KIAA0825: variants seen among roughly 807,000 people sequenced by gnomAD.
KIAA0825 encodes KIAA0825, also known as uncharacterized protein KIAA0825.
Under a neutral mutation model 147.6 loss-of-function variants are expected in KIAA0825, and 119 were observed. The observed-to-expected ratio is 0.81, with a 90% CI of 0.69 to 0.94. The LOEUF is 0.94. Among genes scored for constraint, KIAA0825 ranks in the 40% least tolerant of loss-of-function variants. The pLI is 0.00. For synonymous variants in KIAA0825, 470 were observed against 518.1 expected, an observed-to-expected ratio of 0.91 and a Z score of 1.26; for missense variants, 1,381 against 1,472.7, an observed-to-expected ratio of 0.94 and a Z score of 1.02.
chr5:94,281,579 C>G (rs547503040), intron 20 of KIAA0825, among the ~76,000 whole-genome samples: 1 of 152,224 alleles, frequency 6.6e-6, no homozygotes, highest in African/African-American at 2.4e-5. Flanking sequence ...GTTTCTCAAC[C>G]TCAGCACTAT....
chr5:94,206,723 C>A (rs1422316597), intron 20 of KIAA0825, among the ~76,000 whole-genome samples: 1 of 152,138 alleles, frequency 6.6e-6, no homozygotes, highest in Non-Finnish European at 1.5e-5. Context: ...ACTATGGTTT[C>A]TTTTTATCTC....
chr5:94,453,003 T>G lies in KIAA0825; in HGVS notation c.2313A>C (p.Leu771Phe). 6.5e-7 allele frequency: 1 copy of G among 1,532,816 alleles called. No individual in the cohort carries two copies. Among genetic ancestry groups the G allele is most frequent in the Non-Finnish European group, 8.8e-7 (1 of 1,139,980 alleles). 95.0% of individuals were successfully genotyped at this position (1,532,816 alleles called of 1,614,324 possible). Residue 771 changes from leucine to phenylalanine, a missense_variant, in exon 13 of 21, where the codon TTA (leucine) becomes TTC (phenylalanine). Physicochemically the swap from Leu to Phe is conservative, Grantham distance 22. Transcript: ENST00000682413. The stretch of plus-strand genomic sequence containing the variant: ...AATGTGATATGCAAGAAACCCAATA[T>G]AATGGTTGCTTAAAAAATGATTTTA... ...DSLKSFFKQP[L>F]YWVSCISHFY...
At chr5:94,590,013 A>G (rs1784060610) in intron 1 of KIAA0825, among the ~76,000 whole-genome samples, 1 of 152,004 alleles carries the variant, frequency 6.6e-6, no homozygotes, top group South Asian at 2.1e-4. Context: ...TTTTTGAGAC[A>G]GAGTCTCACT....
intron 5 of KIAA0825, among the ~76,000 whole-genome samples, chr5:94,491,451 C>T (rs2151075659): frequency 6.6e-6 from 1 of 152,264 alleles, no homozygotes; most frequent in African/African-American, 2.4e-5. Context: ...AAATGGATAG[C>T]AGTGGTCTGA....
chr5:94,611,591 A>T (rs1009630624), intron 1 of KIAA0825, among the ~76,000 whole-genome samples: 1 of 151,286 alleles, frequency 6.6e-6, no homozygotes, highest in African/African-American at 2.4e-5. Context: ...TTTGGTAAAG[A>T]TGCAAATAGA....
At chr5:94,594,672 T>A in intron 1 of KIAA0825, 1 of 625,648 alleles carries the variant, frequency 1.6e-6, no homozygotes, top group Non-Finnish European at 3.0e-6. Flanking sequence ...ACATTTGGAA[T>A]TTTTGGGCTA....
At chr5:94,217,597 T>C (rs1347858141) in intron 20 of KIAA0825, among the ~76,000 whole-genome samples, 1 of 152,170 alleles carries the variant, frequency 6.6e-6, no homozygotes, top group African/African-American at 2.4e-5. Context: ...TTGATTTAAA[T>C]TTTGCTTTCT....
At chr5:94,211,834 A>G (rs1238042179) in intron 20 of KIAA0825, among the ~76,000 whole-genome samples, 1 of 152,148 alleles carries the variant, frequency 6.6e-6, no homozygotes, top group Admixed American at 6.6e-5. Flanking sequence ...ATATTTTCTT[A>G]CAGAGCATAT....
Position 94,470,129 on chromosome 5 carries a change from TCAAAGAGACAGAGA to T in KIAA0825, c.1722-32_1722-19del. 1 of 1,541,348 alleles carries T rather than the reference TCAAAGAGACAGAGA, an allele frequency of 6.5e-7. No homozygotes were observed. The highest frequency in any genetic ancestry group is 8.8e-7 in the Non-Finnish European group (1 of 1,141,290). On this transcript the variant is annotated intron_variant, in intron 9 of 20. Transcript: ENST00000682413. ...ATATGGGTCTGTTCAGAGAGAATGA[TCAAAGAGACAGAGA>T]TTTAAGGCCTGTGCAGTAGGAGATA... is the stretch of plus-strand genomic sequence containing the variant.
intron 5 of KIAA0825, among the ~76,000 whole-genome samples, chr5:94,513,758 C>A (rs1766828945): frequency 6.6e-6 from 1 of 151,562 alleles, no homozygotes. Flanking sequence ...CCCCTTATAC[C>A]CATAAATATC....
At chr5:94,313,938 G>T (rs924187063) in intron 20 of KIAA0825, among the ~76,000 whole-genome samples, 5 of 151,478 alleles carry the variant, frequency 3.3e-5, no homozygotes, top group Non-Finnish European at 7.4e-5. Flanking sequence ...ATCAGTCCAC[G>T]ATCATGCAGA....
At chr5:94,197,896 G>C (rs1437707704) in intron 20 of KIAA0825, among the ~76,000 whole-genome samples, 1 of 152,292 alleles carries the variant, frequency 6.6e-6, no homozygotes, top group Non-Finnish European at 1.5e-5. Context: ...TTTGAAGTAA[G>C]GTAGTGTGAA....
chr5:94,435,824 T>A (rs1201956504), intron 14 of KIAA0825, among the ~76,000 whole-genome samples: 1 of 152,222 alleles, frequency 6.6e-6, no homozygotes, highest in Non-Finnish European at 1.5e-5. Context: ...CTGACTGGTG[T>A]GAGATAGTAT....
intron 20 of KIAA0825, among the ~76,000 whole-genome samples, chr5:94,251,569 GA>G (rs1775965825): frequency 6.6e-6 from 1 of 152,022 alleles, no homozygotes; most frequent in South Asian, 2.1e-4. Context: ...TATTCCTGAT[GA>G]TATTAAATCT....
intron 1 of KIAA0825, among the ~76,000 whole-genome samples, chr5:94,613,734 A>C (rs1413425252): frequency 2.0e-5 from 3 of 152,234 alleles, no homozygotes; most frequent in African/African-American, 7.2e-5. Flanking sequence ...CATCAGTTAC[A>C]CAGTGTATAT....
chr5:94,496,275 A>C (rs1362878272), intron 5 of KIAA0825, among the ~76,000 whole-genome samples: 2 of 152,216 alleles, frequency 1.3e-5, no homozygotes, highest in African/African-American at 4.8e-5. Context: ...TTCAAGTTAC[A>C]GTGTCCACAA....
At chr5:94,473,924 T>C (rs888168444) in intron 7 of KIAA0825, among the ~76,000 whole-genome samples, 2 of 152,224 alleles carry the variant, frequency 1.3e-5, no homozygotes, top group Non-Finnish European at 1.5e-5. Context: ...TTATAGTTTA[T>C]TGTTAACAAG....
intron 20 of KIAA0825, among the ~76,000 whole-genome samples, chr5:94,296,417 T>G (rs923419657): frequency 2.6e-5 from 4 of 152,126 alleles, no homozygotes; most frequent in African/African-American, 7.2e-5. Flanking sequence ...TGAACCATTT[T>G]GTCTCGCTGG....
At chr5:94,594,281 T>G (rs1561368836) in intron 1 of KIAA0825, 27 of 633,744 alleles carry the variant, frequency 4.3e-5, no homozygotes, top group South Asian at 3.5e-4. Flanking sequence ...GCCCTGAGTT[T>G]CAGATCCCAT....
Sources: allele counts gnomAD v4.1 joint callset (sites outside exome capture counted in the v4.1 genomes callset), GRCh38; gene constraint gnomAD v4.1.1; transcripts MANE v1.5; gene names NCBI Gene and HGNC (gene_info 2026-07-23, HGNC 2026-07-21).